The following PLXNA4 variants were observed in gnomAD, a reference collection of about 807,000 sequenced individuals.
PLXNA4 encodes plexin-A4.
A neutral mutation model predicts 191.8 loss-of-function variants in PLXNA4; 44 were observed. The ratio of observed to expected loss-of-function variants is 0.23; its 90% confidence interval spans 0.18 to 0.29. The LOEUF is 0.29. Among genes scored for constraint, PLXNA4 ranks in the 10% least tolerant of loss-of-function variants. The probability of loss-of-function intolerance (pLI) is 1.00; values close to 1 mark genes in which losing one functional copy is unlikely to be tolerated. For missense variants in PLXNA4, 1,800 were observed against 2,488.8 expected, an observed-to-expected ratio of 0.72 and a Z score of 5.89; for synonymous variants, 1,082 against 1,009.5, an observed-to-expected ratio of 1.07 and a Z score of -1.36.
chr7:132,210,809 G>A (rs777820231), intron 10 of PLXNA4, 134 bp downstream of exon 10: 30 of 996,134 alleles, frequency 3.0e-5, no homozygotes, highest in Non-Finnish European at 3.9e-5. Flanking sequence ...GCAGGCATGG[G>A]GGAAGCAGGT....
At chr7:132,135,237 T>A (rs1331758883) in intron 30 of PLXNA4, among the ~76,000 whole-genome samples, 1 of 152,168 alleles carries the variant, frequency 6.6e-6, no homozygotes, top group Non-Finnish European at 1.5e-5. Flanking sequence ...TTTGGTACCA[T>A]GGCCAGCAGC....
intron 9 of PLXNA4, among the ~76,000 whole-genome samples, chr7:132,217,623 C>G (rs895804185): frequency 6.6e-6 from 1 of 152,186 alleles, no homozygotes; most frequent in African/African-American, 2.4e-5. Context: ...TACTCACCTT[C>G]TCAGAACCAC....
At chr7:132,480,197 C>T (rs752364269) in intron 3 of PLXNA4, among the ~76,000 whole-genome samples, 34 of 151,880 alleles carry the variant, frequency 2.2e-4, no homozygotes, top group Non-Finnish European at 1.2e-4. Context: ...TACTACAGAG[C>T]GACAGGAAGG....
At chr7:132,443,798 T>C (rs569804319) in intron 3 of PLXNA4, among the ~76,000 whole-genome samples, 1 of 152,232 alleles carries the variant, frequency 6.6e-6, no homozygotes, top group Non-Finnish European at 1.5e-5. Flanking sequence ...ATTTTCTAAA[T>C]TGGTACTTCA....
intron 3 of PLXNA4, among the ~76,000 whole-genome samples, chr7:132,409,801 C>T (rs1794375687): frequency 6.6e-6 from 1 of 152,168 alleles, no homozygotes; most frequent in Admixed American, 6.5e-5. Context: ...TGGTAAATTA[C>T]CGTCACCTGC....
chr7:132,257,867 G>A (rs1055051168), intron 4 of PLXNA4, among the ~76,000 whole-genome samples: 20 of 152,224 alleles, frequency 1.3e-4, no homozygotes, highest in Non-Finnish European at 2.4e-4. Context: ...GTAGATGGAG[G>A]AATTGGAAGG....
intron 4 of PLXNA4, among the ~76,000 whole-genome samples, chr7:132,290,936 C>T (rs1446978829): frequency 6.6e-6 from 1 of 152,160 alleles, no homozygotes; most frequent in Non-Finnish European, 1.5e-5. Flanking sequence ...TAATAGCTAA[C>T]GTTTGCTGAA....
At chr7:132,384,909 A>G (rs1805057743) in intron 3 of PLXNA4, 1 of 1,246,064 alleles carries the variant, frequency 8.0e-7, no homozygotes, top group Non-Finnish European at 1.0e-6. Context: ...ACTGACATAT[A>G]CAAGTGATAA....
At chr7:132,317,469 T>G (rs1258771876) in intron 3 of PLXNA4, among the ~76,000 whole-genome samples, 1 of 151,952 alleles carries the variant, frequency 6.6e-6, no homozygotes, top group Non-Finnish European at 1.5e-5. Flanking sequence ...TGAGTTGGAT[T>G]GGGTTGAATT....
intron 4 of PLXNA4, among the ~76,000 whole-genome samples, chr7:132,274,766 CT>C (rs3057256): frequency 0.017 from 1,828 of 106,168 alleles, 38 homozygotes; most frequent in African/African-American, 0.06. Context: ...TCAGTGCATC[CT>C]TTTTTTTTTT....
chr7:132,189,022 GA>G lies in PLXNA4; in HGVS notation c.2857-1416del, dbSNP rs1562909100. On this transcript the variant is annotated intron_variant, in intron 14 of 31. Transcript: ENST00000321063. ...AGAGAGAGAGAGAGAGAGAGAGAGAGAGAGAGAAAGAGAGAGAGAGAGAGAG... is the reference window on the plus strand; with the variant it reads ...AGAGAGAGAGAGAGAGAGAGAGAGAGGAGAGAAAGAGAGAGAGAGAGAGAG... 2.4e-3 allele frequency among the ~76,000 whole-genome samples: 189 copies of G among 80,174 alleles called. 1 individual carries two copies. The highest frequency in any genetic ancestry group is 8.6e-3 in the African/African-American group (165 of 19,200). The allele number at this position is 80,174 out of a possible 152,430, so 52.6% of individuals were successfully genotyped here.
chr7:132,163,398 A>ACTT (rs1796007565), intron 24 of PLXNA4, among the ~76,000 whole-genome samples: 1 of 152,062 alleles, frequency 6.6e-6, no homozygotes, highest in Non-Finnish European at 1.5e-5. Flanking sequence ...GATTATCCCC[A>ACTT]CTTTAGTCGG....
In PLXNA4 at chr7:132,159,589, A is replaced by G; in HGVS notation, c.4544T>C (p.Val1515Ala). Residue 1515 changes from valine (V) to alanine (A), a missense_variant, in exon 25 of 32, where the codon GTC becomes GCC. By Grantham distance (64) the Val-to-Ala change is moderately conservative. This residue lies in a region of PLXNA4 where 214 missense variants were observed against 298.2 expected (regional missense o/e 0.72). Coordinates refer to ENST00000321063, the MANE Select transcript of PLXNA4 (RefSeq NM_020911.2). ...VSPDNANSPE[V>A]PVKILNCDTI... is the part of the protein sequence containing the mutation. Reference sequence around the variant, plus strand: ...GTCACAGTTGAGGATCTTTACTGGGACCTCGGGGCTGTTGGCATTGTCTGG... The same window carrying G: ...GTCACAGTTGAGGATCTTTACTGGGGCCTCGGGGCTGTTGGCATTGTCTGG... 6.2e-7 allele frequency: 1 copy of G among 1,613,766 alleles called. No homozygotes were observed. Among genetic ancestry groups the G allele is most frequent in the South Asian group, 1.1e-5 (1 of 91,048 alleles).
At chr7:132,334,222 T>G (rs1802715813) in intron 3 of PLXNA4, among the ~76,000 whole-genome samples, 1 of 151,348 alleles carries the variant, frequency 6.6e-6, no homozygotes, top group African/African-American at 2.4e-5. Context: ...TTATAAGATT[T>G]CAGATTTCTT....
intron 3 of PLXNA4, among the ~76,000 whole-genome samples, chr7:132,430,457 T>C (rs1795216438): frequency 6.6e-6 from 1 of 151,762 alleles, no homozygotes; most frequent in Non-Finnish European, 1.5e-5. Flanking sequence ...GAGAATTAGG[T>C]CCAGCTGAGG....
chr7:132,501,368 C>T (rs984638294), intron 2 of PLXNA4, among the ~76,000 whole-genome samples: 2 of 152,154 alleles, frequency 1.3e-5, no homozygotes, highest in African/African-American at 4.8e-5. Flanking sequence ...GACATGCAGT[C>T]CATGTCTCAG....
intron 2 of PLXNA4, among the ~76,000 whole-genome samples, chr7:132,600,196 T>C (rs956743480): frequency 6.6e-6 from 1 of 152,212 alleles, no homozygotes; most frequent in Admixed American, 6.5e-5. Flanking sequence ...CTTTTATTCC[T>C]TCTCTTTTCT....
chr7:132,201,593 T>A (rs1047262442), intron 12 of PLXNA4, among the ~76,000 whole-genome samples: 13 of 152,042 alleles, frequency 8.6e-5, no homozygotes, highest in Admixed American at 3.9e-4. Flanking sequence ...GCATCCGCAG[T>A]GGTAAAGAGG....
intron 12 of PLXNA4, among the ~76,000 whole-genome samples, chr7:132,201,979 C>T (rs1797452255): frequency 6.6e-6 from 1 of 152,138 alleles, no homozygotes; most frequent in Non-Finnish European, 1.5e-5. Flanking sequence ...AGGCCCACCG[C>T]ACATGTGAGG....
Sources: gnomAD v4.1 joint callset for allele counts (sites outside exome capture counted in the v4.1 genomes callset) on GRCh38, gnomAD v4.1.1 for gene constraint, gnomAD v4.1.1 regional missense constraint, MANE v1.5 for transcripts, NCBI Gene and HGNC (gene_info 2026-07-23, HGNC 2026-07-21) for gene names.